PHF8: variants seen among roughly 807,000 people sequenced by gnomAD.
PHF8 encodes the protein histone lysine demethylase PHF8.
A neutral mutation model predicts 74.4 loss-of-function variants in PHF8; 9 were observed. The ratio of observed to expected loss-of-function variants is 0.12; its 90% confidence interval spans 0.07 to 0.21. The LOEUF (loss-of-function observed/expected upper bound fraction) is 0.21. Ranked by LOEUF, PHF8 falls within the 10% of genes least tolerant of loss-of-function variation. The probability of loss-of-function intolerance (pLI) is 1.00; values close to 1 mark genes in which losing one functional copy is unlikely to be tolerated. For synonymous variants in PHF8, 311 were observed against 316.6 expected (o/e 0.98, Z 0.19); for missense variants, 478 against 816.6 (o/e 0.59, Z 5.05).
intron 19 of PHF8, 168 bp from the exon 20 acceptor site, chrX:53,944,411 C>T: frequency 2.2e-6 from 1 of 448,517 alleles, no homozygotes; most frequent in Non-Finnish European, 3.9e-6. Context: ...TTCACCAATG[C>T]TCAAAGCACA....
chrX:53,983,763 CATATG>C (rs1569526635), intron 18 of PHF8, among the ~76,000 whole-genome samples: 5 of 112,102 alleles, frequency 4.5e-5, no homozygotes, highest in African/African-American at 9.7e-5. Flanking sequence ...AATGATTAAA[CATATG>C]ATATATTTCT....
chrX:54,024,841 A>G (rs2066239410), intron 2 of PHF8, among the ~76,000 whole-genome samples: 1 of 111,549 alleles, frequency 9.0e-6, no homozygotes, highest in Non-Finnish European at 1.9e-5. Context: ...TGTCTTTTAT[A>G]TGTCTTTTGG....
At position 53,943,671 on chromosome X, in the gene PHF8, C is replaced by CA. The variant is rs1179904870; in HGVS notation, c.2649+462dup. On this transcript the variant is annotated intron_variant, in intron 20 of 21. Coordinates refer to ENST00000338154, the MANE Select transcript of PHF8 (RefSeq NM_015107.3). ...TTCTAGTGAAGATCACTCTTTAGGA[C>CA]AAAAAAAAAATTTGTGGGTGAAGAT... 1.2e-3 allele frequency among the ~76,000 whole-genome samples: 123 copies of CA among 105,946 alleles called. No individual in the cohort carries two copies. In the East Asian group the frequency reaches 0.02, roughly 18 times the overall value. The allele number at this position is 105,946 out of a possible 115,157, so 92.0% of individuals were successfully genotyped here. A position where few individuals can be genotyped will look rare whatever the true frequency, so the allele number is the denominator to read the frequency against.
At chrX:54,042,866 C>T in intron 1 of PHF8, 46 bp from the exon 2 acceptor site, 1 of 918,395 alleles carries the variant, frequency 1.1e-6, no homozygotes, top group Non-Finnish European at 1.5e-6. Context: ...GCCCCCGCCC[C>T]CCACCCCCTT....
chrX:53,991,976 T>C (rs1191026929), intron 14 of PHF8, among the ~76,000 whole-genome samples: 2 of 112,205 alleles, frequency 1.8e-5, no homozygotes, highest in Admixed American at 1.9e-4. Flanking sequence ...GTGAGATTTT[T>C]CACTGTGTGC....
At chrX:54,019,260 C>A (rs1452809074) in intron 4 of PHF8, among the ~76,000 whole-genome samples, 3 of 109,200 alleles carry the variant, frequency 2.7e-5, no homozygotes, top group African/African-American at 1.0e-4. Context: ...GAGTTGGAGA[C>A]CAGCCTGGGC....
intron 2 of PHF8, among the ~76,000 whole-genome samples, chrX:54,034,155 C>T (rs2066409899): frequency 9.0e-6 from 1 of 111,078 alleles, no homozygotes; most frequent in Non-Finnish European, 1.9e-5. Flanking sequence ...AGAAAGAAAA[C>T]AGATTGGAAA....
chrX:53,962,808 C>T, intron 19 of PHF8, 36 bp downstream of exon 19: 1 of 791,649 alleles, frequency 1.3e-6, no homozygotes, highest in Non-Finnish European at 2.0e-6. Context: ...CTCCTGACCA[C>T]CCCTACAGAG....
intron 11 of PHF8, among the ~76,000 whole-genome samples, chrX:53,997,718 G>A (rs1403331889): frequency 1.8e-5 from 2 of 111,695 alleles, no homozygotes; most frequent in African/African-American, 6.5e-5. Context: ...GAGTGCTTGG[G>A]CCACACCCAC....
At chrX:54,015,170 T>C (rs1391842506) in intron 6 of PHF8, among the ~76,000 whole-genome samples, 1 of 111,700 alleles carries the variant, frequency 9.0e-6, no homozygotes, top group African/African-American at 3.3e-5. Flanking sequence ...CTCTTTTTTT[T>C]TTGGCTTCTC....
chrX:53,982,825 C>T (rs896011708), intron 18 of PHF8, among the ~76,000 whole-genome samples: 4 of 112,581 alleles, frequency 3.6e-5, no homozygotes, highest in Non-Finnish European at 5.6e-5. Context: ...AAAATTTTAA[C>T]TCCTATACAA....
intron 4 of PHF8, among the ~76,000 whole-genome samples, chrX:54,021,652 T>C (rs1733876277): frequency 9.4e-6 from 1 of 106,842 alleles, no homozygotes; most frequent in Non-Finnish European, 1.9e-5. Context: ...GTATTTTTAG[T>C]AGAGACGGGG....
At chrX:53,942,135 C>T (rs2064760714) in intron 20 of PHF8, among the ~76,000 whole-genome samples, 1 of 111,849 alleles carries the variant, frequency 8.9e-6, no homozygotes, top group Non-Finnish European at 1.9e-5. Flanking sequence ...CTTGCCAATC[C>T]CGTTGCTCAA....
At chrX:54,038,252 C>T (rs1557114912) in intron 2 of PHF8, among the ~76,000 whole-genome samples, 1 of 111,844 alleles carries the variant, frequency 8.9e-6, no homozygotes, top group Non-Finnish European at 1.9e-5. Flanking sequence ...TAAAAAAGGT[C>T]GTTCCTCCTG....
chrX:53,946,025 C>G (rs1255101521), intron 19 of PHF8, among the ~76,000 whole-genome samples: 2 of 111,949 alleles, frequency 1.8e-5, no homozygotes, highest in Non-Finnish European at 3.8e-5. Context: ...AAATACTCAT[C>G]CCACCATTTC....
intron 18 of PHF8, among the ~76,000 whole-genome samples, chrX:53,974,884 G>A (rs782601418): frequency 1.9e-4 from 21 of 111,549 alleles, no homozygotes; most frequent in Admixed American, 4.8e-4. Flanking sequence ...CATGGGAGGC[G>A]GGGAACAACA....
rs112760862 is a variant in PHF8, at chrX:54,012,001, C to T, written c.784-717G>A. 6.4e-3 allele frequency among the ~76,000 whole-genome samples: 706 copies of T among 110,573 alleles called. 4 individuals carry two copies. The highest frequency in any genetic ancestry group is 0.022 in the African/African-American group (686 of 30,560). On this transcript the variant is annotated intron_variant, in intron 7 of 21. Transcript: ENST00000338154. ...ACACTAGAAATATCAGGTGTACAAC[C>T]GGAGAATTTTGAATCAGGTCTGTAG...
At chrX:54,006,795 G>A (rs368341614) in intron 8 of PHF8, among the ~76,000 whole-genome samples, 6 of 109,406 alleles carry the variant, frequency 5.5e-5, no homozygotes, top group African/African-American at 1.0e-4. Context: ...AAAATTAGCC[G>A]GGCATGGTGA....
rs1194485853 is a variant in PHF8, at chrX:53,986,952, A to T, written c.1995+126T>A. 12 of 484,957 alleles carry T rather than the reference A, an allele frequency of 2.5e-5. No individual in the cohort carries two copies. In the African/African-American group the frequency reaches 2.7e-4, roughly 11 times the overall value. 40.0% of individuals were successfully genotyped at this position (484,957 alleles called of 1,213,427 possible). On this transcript the variant is annotated intron_variant, in intron 16 of 21. Coordinates refer to ENST00000338154, the MANE Select transcript of PHF8 (RefSeq NM_015107.3). ...TCAAAAAATAATAGTAATAATAAAT[A>T]AATTATTCAGGAAATGAATGCAAAG...
Sources: gnomAD v4.1 joint callset for allele counts (sites outside exome capture counted in the v4.1 genomes callset) on GRCh38, gnomAD v4.1.1 for gene constraint, MANE v1.5 for transcripts, NCBI Gene and HGNC (gene_info 2026-07-23, HGNC 2026-07-21) for gene names.